Variants in RAD51AP2 observed in about 807,000 individuals in gnomAD.
RAD51AP2 encodes RAD51 associated protein 2, also known as RAD51-associated protein 2.
RAD51AP2 carries 67 observed loss-of-function variants against 85.5 expected under a neutral mutation model. The ratio of observed to expected loss-of-function variants is 0.78; its 90% CI spans 0.64 to 0.96. The LOEUF (loss-of-function observed/expected upper bound fraction) is 0.96. Among genes scored for constraint, RAD51AP2 ranks in the 40% least tolerant of loss-of-function variants. RAD51AP2 has a pLI of 0.00. For missense variants in RAD51AP2, 1,307 were observed against 1,332.4 expected (o/e 0.98, Z 0.30); for synonymous variants, 474 against 446.5 (o/e 1.06, Z -0.78).
chr2:17,530,510 G>C, the RAD51AP2 span, among the ~76,000 whole-genome samples: 2 of 144,194 alleles, frequency 1.4e-5, no homozygotes, highest in African/African-American at 5.2e-5. Context: ...GAGCCCAAGA[G>C]GTTGAGGCTG....
chr2:17,520,973 C>T (rs1662844329), upstream of RAD51AP2, among the ~76,000 whole-genome samples: 1 of 152,094 alleles, frequency 6.6e-6, no homozygotes, highest in Non-Finnish European at 1.5e-5. Context: ...GCATCGTCAT[C>T]TGTTTCCTAT....
At chr2:17,529,532 A>G in the RAD51AP2 span, among the ~76,000 whole-genome samples, 4 of 152,322 alleles carry the variant, frequency 2.6e-5, no homozygotes, top group African/African-American at 9.6e-5. Context: ...GTTGAGCTCT[A>G]TTATGAATCA....
chr2:17,523,448 A>G, the RAD51AP2 span, among the ~76,000 whole-genome samples: 1 of 151,854 alleles, frequency 6.6e-6, no homozygotes, highest in African/African-American at 2.4e-5. Context: ...ACCAGTTGTT[A>G]ACAGTTACCA....
At chr2:17,528,630 G>T in the RAD51AP2 span, among the ~76,000 whole-genome samples, 1 of 152,052 alleles carries the variant, frequency 6.6e-6, no homozygotes, top group Non-Finnish European at 1.5e-5. Context: ...ATCACTTGAG[G>T]CCAGGAGTTC....
the RAD51AP2 span, among the ~76,000 whole-genome samples, chr2:17,524,455 A>G: frequency 1.3e-5 from 2 of 151,980 alleles, no homozygotes. Context: ...CTGGAGACTT[A>G]GGGGAGACTT....
At chr2:17,526,030 A>G in the RAD51AP2 span, among the ~76,000 whole-genome samples, 1 of 151,952 alleles carries the variant, frequency 6.6e-6, no homozygotes, top group African/African-American at 2.4e-5. Context: ...GCAGCAGCAA[A>G]ATGAACATAT....
At chr2:17,533,319 C>T in the RAD51AP2 span, among the ~76,000 whole-genome samples, 1 of 152,214 alleles carries the variant, frequency 6.6e-6, no homozygotes, top group African/African-American at 2.4e-5. Context: ...TCCTCTTGCT[C>T]TCCTCTTCTC....
chr2:17,531,189 T>A, the RAD51AP2 span, among the ~76,000 whole-genome samples: 18 of 152,348 alleles, frequency 1.2e-4, no homozygotes, highest in Admixed American at 1.0e-3. Flanking sequence ...TGCAGCTGAA[T>A]GTAGCTTTGC....
Position 17,518,372 on chromosome 2 carries a change from T to G in RAD51AP2, c.44A>C (p.Lys15Thr), listed in dbSNP as rs369514284. 1.9e-6 allele frequency: 3 copies of G among 1,613,308 alleles called. No individual in the cohort carries two copies. In the African/African-American group the frequency reaches 4.0e-5, roughly 22 times the overall value. Reference protein sequence around the residue: ...QPTPRMAELRKPTSSLTPPED... With the variant: ...QPTPRMAELRTPTSSLTPPED... ...AGGAGGCGTTAAAGAGGAGGTAGGC[T>G]TTCTGAGCTCGGCCATCCGCGGCGT... The change falls in exon 1 of 3, where the codon AAG (lysine) becomes ACG (threonine). Residue 15 changes from lysine (K) to threonine (T), a missense_variant. Lys to Thr is a moderately conservative substitution (Grantham distance 78, BLOSUM62 -1). Transcript: ENST00000399080.
chr2:17,516,391 T>C lies in RAD51AP2; in HGVS notation c.2025A>G (p.Gln675=). 1 of 1,611,980 alleles carries C rather than the reference T, an allele frequency of 6.2e-7. No individual in the cohort carries two copies. Among genetic ancestry groups the C allele is most frequent in the Non-Finnish European group, 8.5e-7 (1 of 1,179,132 alleles). ...TTTCAAAAATCGGAAAACCTGTATT[T>C]TGAGTTGTCATACTGAAGGAATTAA... is the stretch of plus-strand genomic sequence containing the variant. ...KLINSFSMTT[Q]NTGFPIFETY... is the part of the protein sequence containing the mutation. Residue 675 remains glutamine (Q), a synonymous_variant, in exon 1 of 3, where the codon CAA becomes CAG. Coordinates refer to ENST00000399080, the MANE Select transcript of RAD51AP2 (RefSeq NM_001099218.3).
chr2:17,513,167 T>G, intron 2 of RAD51AP2, among the ~76,000 whole-genome samples: 1 of 152,060 alleles, frequency 6.6e-6, no homozygotes, highest in East Asian at 1.9e-4. Context: ...ACATACTGTG[T>G]TTTATTCTGA....
Position 17,515,103 on chromosome 2 carries a change from GC to G in RAD51AP2, c.3247+65del. 5.5e-6 allele frequency: 7 copies of G among 1,264,804 alleles called. No homozygotes were observed. The South Asian group carries it at 9.7e-5, about 18-fold the overall frequency. 78.3% of individuals were successfully genotyped at this position (1,264,804 alleles called of 1,614,324 possible). A position where few individuals can be genotyped will look rare whatever the true frequency, so the allele number is the denominator to read the frequency against. On this transcript the variant is annotated intron_variant, in intron 1 of 2. Transcript: ENST00000399080. Reference sequence around the variant, plus strand: ...CTTTGTTGTCAAAATTATACATTTGGCCTACACAGAAAAAAGCAGTAATTTT... The same window carrying G: ...CTTTGTTGTCAAAATTATACATTTGGCTACACAGAAAAAAGCAGTAATTTT...
the RAD51AP2 span, among the ~76,000 whole-genome samples, chr2:17,532,153 T>G: frequency 6.6e-6 from 1 of 152,160 alleles, no homozygotes; most frequent in African/African-American, 2.4e-5. Context: ...TAAATGCAGT[T>G]GTCCTCTACA....
upstream of RAD51AP2, among the ~76,000 whole-genome samples, chr2:17,522,195 T>A (rs1662870825): frequency 6.6e-6 from 1 of 151,990 alleles, no homozygotes; most frequent in East Asian, 1.9e-4. Context: ...ACATAGAAAG[T>A]TCCTCATAGT....
At chr2:17,523,680 C>T in the RAD51AP2 span, among the ~76,000 whole-genome samples, 1 of 151,862 alleles carries the variant, frequency 6.6e-6, no homozygotes, top group Non-Finnish European at 1.5e-5. Flanking sequence ...TAGTTTTCAT[C>T]TCATTTGATA....
chr2:17,534,043 A>T, the RAD51AP2 span, among the ~76,000 whole-genome samples: 352 of 152,320 alleles, frequency 2.3e-3, 1 homozygote, highest in African/African-American at 8.3e-3. Flanking sequence ...TTTCCAATAG[A>T]ATTTCTTCCT....
At position 17,516,283 on chromosome 2, in the gene RAD51AP2, C is replaced by T; in HGVS notation, c.2133G>A (p.Met711Ile). ...CATTCACAACTTGTTGAGGACAACT[C>T]ATATTCTGACAAGTAATTTCTCTTA... ...SLIREITCQN[M>I]SCPQQVVNVE... The change falls in exon 1 of 3, where the codon ATG becomes ATA. Residue 711 changes from methionine (M) to isoleucine (I), a missense_variant. This residue lies in a region of RAD51AP2 where 668 missense variants were observed against 671.0 expected (regional missense o/e 1.00). Coordinates refer to ENST00000399080, the MANE Select transcript of RAD51AP2 (RefSeq NM_001099218.3). 2 of 1,609,720 alleles carry T rather than the reference C, an allele frequency of 1.2e-6. No homozygotes were observed. Among genetic ancestry groups the T allele is most frequent in the African/African-American group, 1.3e-5 (1 of 74,700 alleles).
chr2:17,515,190 G>A lies in RAD51AP2; in HGVS notation c.3226C>T (p.Leu1076Phe). The A allele has an allele frequency of 3.2e-6, 5 of 1,578,036 alleles. No homozygotes were observed. The highest frequency in any genetic ancestry group is 4.3e-6 in the Non-Finnish European group (5 of 1,166,614). Residue 1076 changes from leucine to phenylalanine, a missense_variant, in exon 1 of 3, where the codon CTT becomes TTT. By Grantham distance (22) the Leu-to-Phe change is conservative. Coordinates refer to ENST00000399080, the MANE Select transcript of RAD51AP2 (RefSeq NM_001099218.3). ...CYPSRSEEEL[L>F]YSTSEKDCET... ...ATACCTTTCTCAGAAGTAGAGTAAA[G>A]TAATTCTTCCTCTGATCTACTTGGA...
the RAD51AP2 span, among the ~76,000 whole-genome samples, chr2:17,528,864 G>C: frequency 1.3e-5 from 2 of 152,046 alleles, no homozygotes. Flanking sequence ...ATAAAATAAA[G>C]TCTAGCACAA....
Sources: allele counts gnomAD v4.1 joint callset (sites outside exome capture counted in the v4.1 genomes callset), GRCh38; gene constraint gnomAD v4.1.1; regional missense constraint gnomAD v4.1.1; transcripts MANE v1.5; gene names NCBI Gene and HGNC (gene_info 2026-07-23, HGNC 2026-07-21).